Variants in OSBPL1A observed in about 807,000 individuals in gnomAD.
The protein encoded by OSBPL1A is oxysterol binding protein like 1A.
OSBPL1A carries 80 observed loss-of-function variants against 137.1 expected under a neutral mutation model. That is an observed-to-expected ratio of 0.58 (90% CI 0.49 to 0.70). The LOEUF is 0.70. Ranked by LOEUF, OSBPL1A falls within the 30% of genes least tolerant of loss-of-function variation. The pLI is 0.00. For synonymous variants in OSBPL1A, 365 were observed against 389.7 expected, an observed-to-expected ratio of 0.94 and a Z score of 0.75; for missense variants, 970 against 1,129.4, an observed-to-expected ratio of 0.86 and a Z score of 2.02.
intron 24 of OSBPL1A, 22 bp from the exon 25 acceptor site, chr18:24,167,467 C>G (rs777377551): frequency 8.8e-6 from 14 of 1,595,760 alleles, no homozygotes; most frequent in Non-Finnish European, 1.2e-5. Context: ...AATCAATGAA[C>G]AAAATTTAAG....
At chr18:24,179,896 G>A (rs770598147) in intron 19 of OSBPL1A, 61 bp from the exon 20 acceptor site, 2 of 1,383,452 alleles carry the variant, frequency 1.4e-6, no homozygotes, top group East Asian at 4.7e-5. Context: ...ATTCTTTTAG[G>A]AACTGAAATT....
intron 7 of OSBPL1A, 69 bp downstream of exon 7, chr18:24,332,873 T>G: frequency 6.4e-7 from 1 of 1,562,068 alleles, no homozygotes. Context: ...AACAAAACAA[T>G]TTTATATGGC....
chr18:24,195,933 C>A, intron 18 of OSBPL1A, 192 bp downstream of exon 18: 1 of 534,142 alleles, frequency 1.9e-6, no homozygotes, highest in South Asian at 2.2e-5. Context: ...CAAAAATGCA[C>A]ACTAAAGCCA....
intron 14 of OSBPL1A, among the ~76,000 whole-genome samples, chr18:24,281,936 G>T (rs1452944689): frequency 6.6e-6 from 1 of 152,140 alleles, no homozygotes; most frequent in Non-Finnish European, 1.5e-5. Flanking sequence ...ATCAGTGGCA[G>T]CATTAGATTC....
chr18:24,238,105 T>G (rs922537589), intron 16 of OSBPL1A, among the ~76,000 whole-genome samples: 1 of 152,210 alleles, frequency 6.6e-6, no homozygotes, highest in Non-Finnish European at 1.5e-5. Flanking sequence ...ATGTACTGTA[T>G]TACCATACCA....
chr18:24,341,490 A>G (rs2091271945), intron 5 of OSBPL1A, 57 bp downstream of exon 5: 5 of 1,355,700 alleles, frequency 3.7e-6, no homozygotes, highest in Non-Finnish European at 5.2e-6. Context: ...ATTTTTAGTC[A>G]GAACCTTGGT....
chr18:24,247,346 G>C (rs2088927083), intron 15 of OSBPL1A, among the ~76,000 whole-genome samples: 1 of 152,238 alleles, frequency 6.6e-6, no homozygotes. Context: ...GGTCAAGAGT[G>C]AACTTGACAA....
intron 4 of OSBPL1A, among the ~76,000 whole-genome samples, chr18:24,360,975 C>G (rs1026604786): frequency 2.6e-5 from 4 of 152,200 alleles, no homozygotes; most frequent in Admixed American, 2.6e-4. Context: ...GAATAGCTCA[C>G]ATTTATTTCA....
intron 9 of OSBPL1A, 89 bp downstream of exon 9, chr18:24,318,512 G>A (rs1040731895): frequency 4.4e-6 from 5 of 1,129,932 alleles, no homozygotes; most frequent in Non-Finnish European, 6.5e-6. Flanking sequence ...ATATACTTCA[G>A]AAATGATTTT....
chr18:24,293,573 T>G (rs1402787822), intron 14 of OSBPL1A, among the ~76,000 whole-genome samples: 1 of 152,114 alleles, frequency 6.6e-6, no homozygotes, highest in Non-Finnish European at 1.5e-5. Context: ...TGCAGGCACC[T>G]TTTGAAGAAA....
intron 1 of OSBPL1A, among the ~76,000 whole-genome samples, chr18:24,385,630 C>T (rs888753094): frequency 4.0e-5 from 6 of 151,788 alleles, no homozygotes; most frequent in Non-Finnish European, 5.9e-5. Flanking sequence ...GGGATGGGTA[C>T]GAAAGAAAGG....
chr18:24,183,228 A>C (rs2086655893), intron 18 of OSBPL1A, among the ~76,000 whole-genome samples: 1 of 152,098 alleles, frequency 6.6e-6, no homozygotes, highest in Non-Finnish European at 1.5e-5. Flanking sequence ...AAAAAAACTA[A>C]CTGGGAAATA....
At chr18:24,164,826 T>A (rs74342050) in intron 27 of OSBPL1A, among the ~76,000 whole-genome samples, 2,484 of 152,286 alleles carry the variant, frequency 0.016, 77 homozygotes, top group African/African-American at 0.055. Flanking sequence ...GATACCTGCA[T>A]CCCCACGTTT....
At chr18:24,202,188 T>G (rs2087241204) in intron 17 of OSBPL1A, among the ~76,000 whole-genome samples, 1 of 152,128 alleles carries the variant, frequency 6.6e-6, no homozygotes, top group Admixed American at 6.6e-5. Context: ...CAGTGCAAAC[T>G]CTTGCTACCA....
chr18:24,311,700 C>T (rs2090622556), intron 13 of OSBPL1A, among the ~76,000 whole-genome samples: 1 of 152,156 alleles, frequency 6.6e-6, no homozygotes, highest in Non-Finnish European at 1.5e-5. Context: ...AACTTTCAAA[C>T]AAAATGACGG....
chr18:24,314,537 G>A (rs569135183), intron 11 of OSBPL1A, among the ~76,000 whole-genome samples, 190 bp from the exon 12 acceptor site: 4 of 152,262 alleles, frequency 2.6e-5, no homozygotes, highest in African/African-American at 9.6e-5. Flanking sequence ...GAACTATGTT[G>A]AGTCTGGCTC....
chr18:24,220,914 G>T (rs1458496390), intron 17 of OSBPL1A, among the ~76,000 whole-genome samples: 2 of 151,948 alleles, frequency 1.3e-5, no homozygotes, highest in Non-Finnish European at 2.9e-5. Flanking sequence ...CTAAGCAGCT[G>T]GGACTACAGG....
chr18:24,257,179 T>C (rs149496926), intron 15 of OSBPL1A, among the ~76,000 whole-genome samples: 266 of 152,204 alleles, frequency 1.7e-3, no homozygotes, highest in African/African-American at 6.1e-3. Context: ...AAAAGTATCC[T>C]GAGCAAAAAG....
chr18:24,322,346 C>T (rs2090880919), intron 7 of OSBPL1A, among the ~76,000 whole-genome samples: 1 of 151,068 alleles, frequency 6.6e-6, no homozygotes, highest in Non-Finnish European at 1.5e-5. Context: ...TGGTCTCGAT[C>T]TCCTGACCTC....
Sources: allele counts gnomAD v4.1 joint callset (sites outside exome capture counted in the v4.1 genomes callset), GRCh38; gene constraint gnomAD v4.1.1; transcripts MANE v1.5; gene names NCBI Gene and HGNC (gene_info 2026-07-23, HGNC 2026-07-21).